RELN: variants seen among roughly 807,000 people sequenced by gnomAD.
RELN encodes reelin.
In RELN, 108 loss-of-function variants were observed where a neutral mutation model predicts 427.6. The ratio of observed to expected loss-of-function variants is 0.25; its 90% CI spans 0.22 to 0.30. RELN has a LOEUF of 0.30. RELN is among the 10% of genes least tolerant of loss of function. The pLI is 1.00. For synonymous variants in RELN, 1,524 were observed against 1,513.4 expected, an observed-to-expected ratio of 1.01 and a Z score of -0.16; for missense variants, 3,715 against 4,302.8, an observed-to-expected ratio of 0.86 and a Z score of 3.82.
At chr7:103,520,393 C>A (rs7787875) in intron 48 of RELN, among the ~76,000 whole-genome samples, 31,844 of 151,760 alleles carry the variant, frequency 0.21, 3,401 homozygotes, top group South Asian at 0.31. Context: ...CTCTTGCCTC[C>A]GCCTCCCGAG....
At chr7:103,529,030 G>A (rs1829883791) in intron 46 of RELN, among the ~76,000 whole-genome samples, 1 of 151,864 alleles carries the variant, frequency 6.6e-6, no homozygotes, top group South Asian at 2.1e-4. Context: ...CAACTACTGG[G>A]GAGGCTGAGG....
intron 12 of RELN, among the ~76,000 whole-genome samples, chr7:103,655,351 C>T (rs1366069849): frequency 2.6e-5 from 4 of 152,042 alleles, no homozygotes; most frequent in Admixed American, 6.6e-5. Context: ...TTCTAAAATT[C>T]CTTCAGTTCC....
intron 4 of RELN, among the ~76,000 whole-genome samples, chr7:103,763,222 T>C (rs947261535): frequency 6.6e-5 from 10 of 152,168 alleles, no homozygotes; most frequent in African/African-American, 2.4e-4. Context: ...TAAATACAGA[T>C]ATAAAAGCAC....
At chr7:103,477,227 G>T (rs1828067644) in intron 64 of RELN, among the ~76,000 whole-genome samples, 1 of 152,126 alleles carries the variant, frequency 6.6e-6, no homozygotes, top group Non-Finnish European at 1.5e-5. Context: ...TGAATAACTA[G>T]TGACTCTGTG....
intron 1 of RELN, among the ~76,000 whole-genome samples, chr7:103,939,773 A>G (rs755860390): frequency 1.1e-4 from 17 of 152,344 alleles, no homozygotes; most frequent in Admixed American, 6.5e-4. Flanking sequence ...TAATTATTGT[A>G]CAATCACCTG....
At chr7:103,749,176 T>C (rs1790931143) in intron 6 of RELN, among the ~76,000 whole-genome samples, 1 of 151,490 alleles carries the variant, frequency 6.6e-6, no homozygotes, top group Non-Finnish European at 1.5e-5. Flanking sequence ...TGTAAGGATA[T>C]TGCAAAACTG....
chr7:103,940,314 A>C (rs74643324), intron 1 of RELN, among the ~76,000 whole-genome samples: 4,508 of 152,280 alleles, frequency 0.03, 236 homozygotes, highest in African/African-American at 0.1. Flanking sequence ...GAATTAAATA[A>C]AACGATTTAT....
At chr7:103,822,468 T>C (rs1459111911) in intron 3 of RELN, among the ~76,000 whole-genome samples, 1 of 152,070 alleles carries the variant, frequency 6.6e-6, no homozygotes, top group East Asian at 1.9e-4. Flanking sequence ...CCTAAGATAC[T>C]GTAATATAAA....
chr7:103,486,102 G>A (rs1366949522), intron 61 of RELN, 95 bp downstream of exon 61: 6 of 1,148,526 alleles, frequency 5.2e-6, no homozygotes, highest in Non-Finnish European at 7.9e-6. Context: ...TGACATCTGT[G>A]CCATGAAGTT....
chr7:103,905,467 G>A (rs988041855), intron 2 of RELN, among the ~76,000 whole-genome samples: 1 of 152,002 alleles, frequency 6.6e-6, no homozygotes, highest in Non-Finnish European at 1.5e-5. Flanking sequence ...ACACATATAT[G>A]GACAAATATA....
chr7:103,857,834 C>G (rs1445839640), intron 2 of RELN, among the ~76,000 whole-genome samples: 3 of 152,122 alleles, frequency 2.0e-5, no homozygotes, highest in Non-Finnish European at 4.4e-5. Flanking sequence ...TTGTCCTACT[C>G]CATGAAAATA....
rs1554376290 is a variant in RELN at position 103,551,940 on chromosome 7, T to TGTGTGC, written c.6073-645_6073-644insGCACAC. 3.4e-3 allele frequency among the ~76,000 whole-genome samples: 503 copies of TGTGTGC among 146,452 alleles called. 5 individuals carry two copies. Among genetic ancestry groups the TGTGTGC allele is most frequent in the East Asian group, 0.023 (112 of 4,968 alleles). On this transcript the variant is annotated intron_variant, in intron 40 of 64. Transcript: ENST00000428762. ...GTTACCTTCTGTGTGTGTGTGTGGG[T>TGTGTGC]GTGTGTGTGTGTGTGTGTGGTAAGA...
chr7:103,840,026 C>A lies in RELN; in HGVS notation c.338-6354G>T, dbSNP rs112471080. The stretch of plus-strand genomic sequence containing the variant: ...AACACTTCTCTTTCTCTCTCTCCGG[C>A]CATATGAAAACATACTTGCTTCCCC... On this transcript the variant is annotated intron_variant, in intron 2 of 64. Transcript: ENST00000428762. Among the ~76,000 whole-genome samples, 251 of 152,268 alleles carry A rather than the reference C, an allele frequency of 1.6e-3. 1 individual carries two copies. Among genetic ancestry groups the A allele is most frequent in the African/African-American group, 5.8e-3 (243 of 41,548 alleles).
At chr7:103,687,164 A>G (rs1833781740) in intron 10 of RELN, among the ~76,000 whole-genome samples, 1 of 152,192 alleles carries the variant, frequency 6.6e-6, no homozygotes, top group South Asian at 2.1e-4. Flanking sequence ...TGACAACTCT[A>G]AAATGGCAAT....
At chr7:103,779,320 T>C (rs934134856) in intron 3 of RELN, among the ~76,000 whole-genome samples, 1 of 152,178 alleles carries the variant, frequency 6.6e-6, no homozygotes, top group Non-Finnish European at 1.5e-5. Flanking sequence ...CAGCACACCA[T>C]GTGCTCAATG....
At chr7:103,814,456 C>T (rs947640280) in intron 3 of RELN, among the ~76,000 whole-genome samples, 1 of 152,200 alleles carries the variant, frequency 6.6e-6, no homozygotes, top group African/African-American at 2.4e-5. Context: ...ATATAGTTAT[C>T]TGCAAGTAAG....
chr7:103,775,968 G>A (rs934316823), intron 4 of RELN, among the ~76,000 whole-genome samples: 7 of 152,156 alleles, frequency 4.6e-5, no homozygotes, highest in African/African-American at 1.7e-4. Flanking sequence ...GGGATAGGGG[G>A]AACAAATGAG....
In RELN at chr7:103,522,095, A is replaced by G. The variant is rs1064796697; in HGVS notation, c.7595T>C (p.Leu2532Pro). Residue 2532 changes from leucine to proline, a missense_variant, in exon 48 of 65, where the codon CTG becomes CCG. Physicochemically the swap from Leu to Pro is moderately conservative, Grantham distance 98. Around this residue, in one of 4 missense-constraint regions of RELN, gnomAD observed 1,310 missense variants for 1,643.0 expected, o/e 0.80. Transcript: ENST00000428762. ...FNRAPSSQNW[L>P]TVNGGKLSTV... ...ACTCAATTTCCCTCCGTTCACAGTC[A>G]GCCAGTTCTGACTGGATGGAGCTCG... The G allele has an allele frequency of 1.9e-6, 3 of 1,614,122 alleles. No individual in the cohort carries two copies. Among genetic ancestry groups the G allele is most frequent in the Non-Finnish European group, 2.5e-6 (3 of 1,180,024 alleles).
At chr7:103,714,290 T>C (rs1022296623) in intron 8 of RELN, among the ~76,000 whole-genome samples, 5 of 152,208 alleles carry the variant, frequency 3.3e-5, no homozygotes, top group Non-Finnish European at 7.3e-5. Flanking sequence ...TGCTTGATAA[T>C]ATTCAAAGCA....
Sources: allele counts gnomAD v4.1 joint callset (sites outside exome capture counted in the v4.1 genomes callset), GRCh38; gene constraint gnomAD v4.1.1; regional missense constraint gnomAD v4.1.1; transcripts MANE v1.5; gene names NCBI Gene and HGNC (gene_info 2026-07-23, HGNC 2026-07-21).